Variants in PPIL6 observed in about 807,000 individuals in gnomAD.
PPIL6 encodes peptidylprolyl isomerase like 6.
In PPIL6, 39 loss-of-function variants were observed where a neutral mutation model predicts 36.8. The observed-to-expected ratio is 1.06, with a 90% CI of 0.82 to 1.38. The LOEUF is 1.38. Among genes scored for constraint, PPIL6 ranks in the 40% most tolerant of loss-of-function variants. The pLI is 0.00. For synonymous variants in PPIL6, 123 were observed against 134.1 expected, an observed-to-expected ratio of 0.92 and a Z score of 0.57; for missense variants, 368 against 379.1, an observed-to-expected ratio of 0.97 and a Z score of 0.24.
intron 5 of PPIL6, among the ~76,000 whole-genome samples, chr6:109,421,635 A>C (rs1162754236): frequency 6.6e-6 from 1 of 152,222 alleles, no homozygotes; most frequent in Admixed American, 6.5e-5. Flanking sequence ...GATCCTTCTG[A>C]ACTCACACTG....
At chr6:109,435,412 C>T (rs1774391737) in intron 2 of PPIL6, among the ~76,000 whole-genome samples, 1 of 151,718 alleles carries the variant, frequency 6.6e-6, no homozygotes. Flanking sequence ...ATTCTCCTGC[C>T]TCAGCCTCCA....
intron 3 of PPIL6, among the ~76,000 whole-genome samples, chr6:109,427,690 A>C (rs1168751657): frequency 2.0e-5 from 3 of 152,136 alleles, no homozygotes; most frequent in Non-Finnish European, 4.4e-5. Context: ...CACCCAGCCC[A>C]CATTATACAT....
intron 6 of PPIL6, among the ~76,000 whole-genome samples, chr6:109,401,868 C>T (rs559739089): frequency 2.3e-4 from 35 of 151,984 alleles, no homozygotes; most frequent in East Asian, 9.7e-4. Flanking sequence ...GAACTACAAG[C>T]GCCCACCACC....
At chr6:109,410,312 T>C (rs1772963757) in intron 6 of PPIL6, among the ~76,000 whole-genome samples, 1 of 152,216 alleles carries the variant, frequency 6.6e-6, no homozygotes, top group African/African-American at 2.4e-5. Flanking sequence ...CGGAACACCA[T>C]GTTGTCACTG....
At chr6:109,423,402 T>G (rs1773652707) in intron 5 of PPIL6, among the ~76,000 whole-genome samples, 1 of 149,440 alleles carries the variant, frequency 6.7e-6, no homozygotes. Flanking sequence ...CAATAGGTAC[T>G]TTTTTTTTTC....
intron 6 of PPIL6, among the ~76,000 whole-genome samples, chr6:109,415,598 G>A (rs1253779347): frequency 6.6e-6 from 1 of 152,184 alleles, no homozygotes; most frequent in African/African-American, 2.4e-5. Context: ...GTGAAGTCAA[G>A]CACAACATCT....
intron 3 of PPIL6, among the ~76,000 whole-genome samples, chr6:109,430,154 T>A (rs1774054556): frequency 6.6e-6 from 1 of 152,256 alleles, no homozygotes. Flanking sequence ...CAAGGATGAA[T>A]GAGACAAGGC....
intron 6 of PPIL6, 66 bp downstream of exon 6, chr6:109,419,121 C>A: frequency 1.1e-6 from 1 of 933,248 alleles, no homozygotes; most frequent in Non-Finnish European, 1.7e-6. Context: ...AATTGTGAAA[C>A]TGTCCAGTCC....
chr6:109,396,219 G>A (rs189845161), intron 7 of PPIL6, among the ~76,000 whole-genome samples: 9 of 152,304 alleles, frequency 5.9e-5, no homozygotes, highest in Non-Finnish European at 1.5e-5. Flanking sequence ...AGCTTCTTAA[G>A]TGGTCTTGCT....
At chr6:109,398,662 C>G (rs73762719) in intron 7 of PPIL6, among the ~76,000 whole-genome samples, 1 of 152,072 alleles carries the variant, frequency 6.6e-6, no homozygotes, top group Non-Finnish European at 1.5e-5. Flanking sequence ...ATAACTATTA[C>G]CTGTGATGTT....
intron 5 of PPIL6, among the ~76,000 whole-genome samples, chr6:109,423,158 G>A (rs193106657): frequency 1.2e-3 from 188 of 152,134 alleles, no homozygotes; most frequent in African/African-American, 3.7e-3. Flanking sequence ...CTTGAGGTTG[G>A]GAGTTCAAGA....
chr6:109,390,270 C>T lies in PPIL6; in HGVS notation c.*2556G>A, dbSNP rs1430475787. The T allele has an allele frequency of 6.6e-6, 1 of 152,168 alleles. No individual in the cohort carries two copies. Among genetic ancestry groups the T allele is most frequent in the Non-Finnish European group, 1.5e-5 (1 of 68,042 alleles). 9.4% of individuals were successfully genotyped at this position (152,168 alleles called of 1,614,324 possible). On this transcript the variant is annotated 3_prime_UTR_variant, in exon 8 of 8. Transcript: ENST00000521072. ...AATTTATCGAGTGCTTACAGCAGAC[C>T]AGGTCTCTTATAGGTTCTTTATAGA...
rs766152078 is a variant in PPIL6, at chr6:109,400,080, G to A, written c.779C>T (p.Thr260Ile). ...ATCTAGATAAGGAGTTGCTTGCAGT[G>A]TGATATAGAATTGTGACCCGTTGCT... ...RHSNGSQFYI[T>I]LQATPYLDRK... The change falls in exon 7 of 8, where the codon ACA becomes ATA. Residue 260 changes from threonine to isoleucine, a missense_variant. Thr to Ile is a moderately conservative substitution (Grantham distance 89). Coordinates refer to ENST00000521072, the MANE Select transcript of PPIL6 (RefSeq NM_173672.5). The A allele has an allele frequency of 6.2e-6, 10 of 1,613,558 alleles. No individual in the cohort carries two copies. In the African/African-American group the frequency reaches 1.2e-4, roughly 19 times the overall value.
At chr6:109,415,050 C>T (rs13195517) in intron 6 of PPIL6, among the ~76,000 whole-genome samples, 36,948 of 151,966 alleles carry the variant, frequency 0.24, 4,796 homozygotes, top group Middle Eastern at 0.31. Flanking sequence ...CCTTGTCACA[C>T]TGAGTAGGCT....
chr6:109,407,389 G>A (rs1772844920), intron 6 of PPIL6, among the ~76,000 whole-genome samples: 1 of 152,080 alleles, frequency 6.6e-6, no homozygotes, highest in African/African-American at 2.4e-5. Flanking sequence ...ACAGGCGCCC[G>A]CCACCGCGCC....
At chr6:109,440,976 G>C, upstream of PPIL6, 1 of 766,652 alleles carries the variant, frequency 1.3e-6, no homozygotes, top group Non-Finnish European at 2.1e-6. Flanking sequence ...GGCCCGACCT[G>C]AGCCACGCGG....
chr6:109,422,481 G>C (rs1331823130), intron 5 of PPIL6, among the ~76,000 whole-genome samples: 1 of 152,160 alleles, frequency 6.6e-6, no homozygotes, highest in African/African-American at 2.4e-5. Context: ...TGTAGTTCCA[G>C]CTACTTAGGA....
chr6:109,426,720 A>C, intron 5 of PPIL6, 127 bp downstream of exon 5: 1 of 579,112 alleles, frequency 1.7e-6, no homozygotes, highest in Non-Finnish European at 2.8e-6. Context: ...TGGCTATATA[A>C]AGCATTCTTT....
At chr6:109,436,309 G>T in intron 1 of PPIL6, 110 bp from the exon 2 acceptor site, 1 of 659,144 alleles carries the variant, frequency 1.5e-6, no homozygotes, top group East Asian at 2.7e-5. Flanking sequence ...CACAAGCCCA[G>T]GCCATGCAGT....
Sources: allele counts gnomAD v4.1 joint callset (sites outside exome capture counted in the v4.1 genomes callset), GRCh38; gene constraint gnomAD v4.1.1; transcripts MANE v1.5; gene names NCBI Gene and HGNC (gene_info 2026-07-23, HGNC 2026-07-21).